The following PRRX2 variants were observed in gnomAD, a reference collection of about 807,000 sequenced individuals.
PRRX2 encodes the protein paired mesoderm homeobox protein 2.
PRRX2 carries 11 observed loss-of-function variants against 18.0 expected under a neutral mutation model. That is an observed-to-expected ratio of 0.61 (90% CI 0.39 to 1.01). The LOEUF is 1.01. PRRX2 is among the 50% of genes least tolerant of loss of function. The pLI is 0.01. For missense variants in PRRX2, 387 were observed against 351.0 expected (o/e 1.10, Z -0.82); for synonymous variants, 177 against 154.8 (o/e 1.14, Z -1.06).
chr9:129,668,691 C>T (rs1832058471), intron 1 of PRRX2, among the ~76,000 whole-genome samples: 1 of 150,930 alleles, frequency 6.6e-6, no homozygotes, highest in South Asian at 2.1e-4. Flanking sequence ...ACAGGAGAAT[C>T]CCTTGAACCC....
At position 129,665,883 on chromosome 9, in the gene PRRX2, G is replaced by A; in HGVS notation, c.16G>A (p.Ala6Thr). The change falls in exon 1 of 4, where the codon GCC (alanine) becomes ACC (threonine). Residue 6 changes from alanine to threonine, a missense_variant. Physicochemically the swap from Ala to Thr is moderately conservative, Grantham distance 58. Coordinates refer to ENST00000372469, the MANE Select transcript of PRRX2 (RefSeq NM_016307.4). The surrounding 1 kb of genome is among the most constrained non-coding windows in gnomAD (Gnocchi z 5.3). MDSAA[A>T]AFALDKPALG... is the part of the protein sequence containing the mutation. ...GCTCGCGGGCATGGACAGCGCGGCC[G>A]CCGCCTTCGCCCTGGACAAGCCGGC... 2 of 1,071,366 alleles carry A rather than the reference G, an allele frequency of 1.9e-6. No homozygotes were observed. Among genetic ancestry groups the A allele is most frequent in the Non-Finnish European group, 2.2e-6 (2 of 890,780 alleles). The allele number at this position is 1,071,366 out of a possible 1,614,324, so 66.4% of individuals were successfully genotyped here. A position where few individuals can be genotyped will look rare whatever the true frequency, so the allele number is the denominator to read the frequency against.
At chr9:129,719,968 CAG>C (rs1471639275) in intron 2 of PRRX2, among the ~76,000 whole-genome samples, 1 of 151,928 alleles carries the variant, frequency 6.6e-6, no homozygotes, top group East Asian at 1.9e-4. Context: ...GCCTGGGTGA[CAG>C]AGTGAGACCC....
At chr9:129,670,081 A>G (rs1342063920) in intron 1 of PRRX2, among the ~76,000 whole-genome samples, 2 of 145,774 alleles carry the variant, frequency 1.4e-5, no homozygotes, top group Non-Finnish European at 3.0e-5. Context: ...TGTAAGTGGA[A>G]TCCTACAGTA....
intron 1 of PRRX2, among the ~76,000 whole-genome samples, chr9:129,694,751 C>A (rs1418869703): frequency 2.0e-5 from 3 of 152,154 alleles, no homozygotes; most frequent in Non-Finnish European, 2.9e-5. Flanking sequence ...GTGAGGATTC[C>A]TCCAAGCTCT....
At chr9:129,716,389 G>A (rs933297098) in intron 1 of PRRX2, among the ~76,000 whole-genome samples, 1 of 152,016 alleles carries the variant, frequency 6.6e-6, no homozygotes, top group African/African-American at 2.4e-5. Flanking sequence ...GTGCTGAATG[G>A]GGGAATCCCT....
At chr9:129,684,841 G>T (rs961240394) in intron 1 of PRRX2, among the ~76,000 whole-genome samples, 8 of 152,206 alleles carry the variant, frequency 5.3e-5, no homozygotes, top group Admixed American at 1.3e-4. Flanking sequence ...ACTGTTAATT[G>T]TGCTTGCTTT....
intron 1 of PRRX2, among the ~76,000 whole-genome samples, chr9:129,679,527 C>T (rs114404331): frequency 6.2e-4 from 95 of 152,264 alleles, no homozygotes; most frequent in African/African-American, 2.2e-3. Context: ...GAAACTGAGG[C>T]CCAGGAAGCC....
chr9:129,712,325 T>TA (rs1832634616), intron 1 of PRRX2, among the ~76,000 whole-genome samples: 3 of 152,152 alleles, frequency 2.0e-5, no homozygotes, highest in South Asian at 2.1e-4. Flanking sequence ...CAAAAACAAA[T>TA]AGAGTGTGTC....
At chr9:129,704,817 A>G (rs1181512378) in intron 1 of PRRX2, among the ~76,000 whole-genome samples, 1 of 152,158 alleles carries the variant, frequency 6.6e-6, no homozygotes, top group African/African-American at 2.4e-5. Context: ...CACGAAGTCA[A>G]CATCTTTGTG....
At chr9:129,674,607 C>A (rs889716544) in intron 1 of PRRX2, among the ~76,000 whole-genome samples, 2 of 151,930 alleles carry the variant, frequency 1.3e-5, no homozygotes, top group African/African-American at 4.8e-5. Flanking sequence ...CACAGAGGGA[C>A]CCCCCCGCCC....
Position 129,720,884 on chromosome 9 carries a change from C to T in PRRX2, c.626+110C>T, listed in dbSNP as rs989823230. 51 of 1,237,924 alleles carry T rather than the reference C, an allele frequency of 4.1e-5. 1 individual carries two copies. The highest frequency in any genetic ancestry group is 1.8e-4 in the South Asian group (10 of 55,950). 76.7% of individuals were successfully genotyped at this position (1,237,924 alleles called of 1,614,324 possible). ...CTGGAGAGAGCTTGAATGGTGTCCA[C>T]GCGCCCCTGGGATCTGGGGTACACC... is the stretch of plus-strand genomic sequence containing the variant. On this transcript the variant is annotated intron_variant, in intron 3 of 3. Coordinates refer to ENST00000372469, the MANE Select transcript of PRRX2 (RefSeq NM_016307.4).
At chr9:129,669,108 A>G (rs564703797) in intron 1 of PRRX2, among the ~76,000 whole-genome samples, 3 of 152,218 alleles carry the variant, frequency 2.0e-5, no homozygotes, top group South Asian at 2.1e-4. Context: ...GGGGACACCA[A>G]TGAGTTAGGA....
chr9:129,667,043 T>C (rs1161211947), intron 1 of PRRX2, among the ~76,000 whole-genome samples: 1 of 147,064 alleles, frequency 6.8e-6, no homozygotes, highest in East Asian at 2.2e-4. Flanking sequence ...GGTGGCTGCG[T>C]TCCTTGGCTT....
intron 1 of PRRX2, among the ~76,000 whole-genome samples, chr9:129,687,761 G>A (rs1214012675): frequency 6.6e-6 from 1 of 152,214 alleles, no homozygotes; most frequent in Admixed American, 6.5e-5. Context: ...CAGGAGACAA[G>A]GGCAGGCAGA....
chr9:129,720,832 T>C, intron 3 of PRRX2, 58 bp downstream of exon 3: 1 of 1,453,768 alleles, frequency 6.9e-7, no homozygotes, highest in Non-Finnish European at 9.1e-7. Context: ...CCCAGAGGGC[T>C]TTTCCGGCCT....
chr9:129,712,885 C>T (rs1227628025), intron 1 of PRRX2: 5 of 152,240 alleles, frequency 3.3e-5, no homozygotes, highest in Admixed American at 6.5e-5. Flanking sequence ...AGGGACCTGA[C>T]GCCAGTGGCC....
At chr9:129,678,049 C>G (rs56117756) in intron 1 of PRRX2, among the ~76,000 whole-genome samples, 1 of 150,682 alleles carries the variant, frequency 6.6e-6, no homozygotes, top group Non-Finnish European at 1.5e-5. Flanking sequence ...CTACAACCTC[C>G]GCCTCCAGGG....
chr9:129,702,763 T>G (rs1430657979), intron 1 of PRRX2, among the ~76,000 whole-genome samples: 1 of 152,214 alleles, frequency 6.6e-6, no homozygotes, highest in East Asian at 1.9e-4. Context: ...AGTGTCTGGC[T>G]TTAACAAGCT....
At position 129,715,369 on chromosome 9, in the gene PRRX2, G is replaced by A. The variant is rs1588175736; in HGVS notation, c.260-3862G>A. Among the ~76,000 whole-genome samples, 3 of 152,258 alleles carry A rather than the reference G, an allele frequency of 2.0e-5. No individual in the cohort carries two copies. The highest frequency in any genetic ancestry group is 3.9e-4 in the East Asian group (2 of 5,172). ...CCAGTACTTTGGGAGGCTGAGGCAG[G>A]AGAATTGAGGTCAGGAGTTTAAGAC... is the stretch of plus-strand genomic sequence containing the variant. On this transcript the variant is annotated intron_variant, in intron 1 of 3. Coordinates refer to ENST00000372469, the MANE Select transcript of PRRX2 (RefSeq NM_016307.4). This position sits in a 1 kb window ranked among gnomAD's most constrained non-coding sequence, Gnocchi z 4.0.
Sources: gnomAD v4.1 joint callset for allele counts (sites outside exome capture counted in the v4.1 genomes callset) on GRCh38, gnomAD v4.1.1 for gene constraint, Gnocchi (gnomAD v3.1) non-coding constraint, MANE v1.5 for transcripts, NCBI Gene and HGNC (gene_info 2026-07-23, HGNC 2026-07-21) for gene names.